The following PARD3 variants were observed in gnomAD, a reference collection of about 807,000 sequenced individuals.
PARD3 encodes par-3 family cell polarity regulator, also known as partitioning defective 3 homolog.
A neutral mutation model predicts 155.4 loss-of-function variants in PARD3; 75 were observed. That is an observed-to-expected ratio of 0.48 (90% confidence interval 0.40 to 0.58). PARD3 has a LOEUF of 0.58. Ranked by LOEUF, PARD3 falls within the 20% of genes least tolerant of loss-of-function variation. The probability of loss-of-function intolerance (pLI) is 0.00; values close to 1 mark genes in which losing one functional copy is unlikely to be tolerated. For missense variants in PARD3, 1,642 were observed against 1,721.7 expected, an observed-to-expected ratio of 0.95 and a Z score of 0.82; for synonymous variants, 576 against 610.5, an observed-to-expected ratio of 0.94 and a Z score of 0.83.
chr10:34,751,632 C>G (rs1437433523), intron 1 of PARD3, among the ~76,000 whole-genome samples: 1 of 152,102 alleles, frequency 6.6e-6, no homozygotes. Flanking sequence ...GAGATGGGGT[C>G]TTGCTCTATG....
At chr10:34,450,530 C>G in intron 4 of PARD3, 82 bp from the exon 5 acceptor site, 1 of 1,276,186 alleles carries the variant, frequency 7.8e-7, no homozygotes, top group Non-Finnish European at 1.1e-6. Flanking sequence ...TCAAAAGTAG[C>G]AGAAAAATGA....
chr10:34,471,787 G>A (rs1031702051), intron 3 of PARD3, among the ~76,000 whole-genome samples: 6 of 152,168 alleles, frequency 3.9e-5, no homozygotes, highest in African/African-American at 1.4e-4. Flanking sequence ...TTGAACTCCT[G>A]ACCTCAGGTT....
At chr10:34,758,249 TC>T (rs1836993611) in intron 1 of PARD3, among the ~76,000 whole-genome samples, 1 of 152,174 alleles carries the variant, frequency 6.6e-6, no homozygotes, top group Admixed American at 6.5e-5. Flanking sequence ...TTTTGGAGTA[TC>T]CAACAATTTC....
chr10:34,283,744 T>C (rs943252419), intron 21 of PARD3, among the ~76,000 whole-genome samples: 2 of 152,062 alleles, frequency 1.3e-5, no homozygotes, highest in African/African-American at 2.4e-5. Flanking sequence ...TTCGGAGTTT[T>C]ATTTTCAGAA....
Position 34,667,830 on chromosome 10 carries a change from T to C in PARD3, c.222+28488A>G, listed in dbSNP as rs138990770. On this transcript the variant is annotated intron_variant, in intron 2 of 24. Coordinates refer to ENST00000374788, the MANE Select transcript of PARD3 (RefSeq NM_001184785.2). ...AGAAACAAATAATATTGTGATGACA[T>C]TATTAAGGATAACACATCATGCTAA... Among the ~76,000 whole-genome samples, 698 of 152,348 alleles carry C rather than the reference T, an allele frequency of 4.6e-3. 4 individuals carry two copies. The highest frequency in any genetic ancestry group is 0.016 in the African/African-American group (668 of 41,586).
intron 1 of PARD3, among the ~76,000 whole-genome samples, chr10:34,705,490 G>GA (rs10635063): frequency 0.4 from 55,357 of 140,096 alleles, 11,055 homozygotes; most frequent in East Asian, 0.51. Flanking sequence ...CCTGTCTCAG[G>GA]AAAAAAAAAA....
intron 2 of PARD3, among the ~76,000 whole-genome samples, chr10:34,632,709 G>C (rs2092319230): frequency 6.6e-6 from 1 of 152,200 alleles, no homozygotes; most frequent in Non-Finnish European, 1.5e-5. Context: ...TTATTATACT[G>C]ATTATACATA....
At chr10:34,620,012 T>C (rs1282370766) in intron 2 of PARD3, among the ~76,000 whole-genome samples, 3 of 152,120 alleles carry the variant, frequency 2.0e-5, no homozygotes, top group African/African-American at 7.2e-5. Flanking sequence ...ACCTGGGATA[T>C]AAAGAACACA....
At chr10:34,689,149 C>T (rs1437385307) in intron 2 of PARD3, among the ~76,000 whole-genome samples, 1 of 151,676 alleles carries the variant, frequency 6.6e-6, no homozygotes, top group Non-Finnish European at 1.5e-5. Context: ...AATGCTTGTT[C>T]TTTTTTCCTT....
At chr10:34,792,872 CAT>C (rs1252626645) in intron 1 of PARD3, among the ~76,000 whole-genome samples, 3 of 152,272 alleles carry the variant, frequency 2.0e-5, no homozygotes, top group Non-Finnish European at 4.4e-5. Flanking sequence ...ACTAATAAAA[CAT>C]GTAATAACAC....
At chr10:34,778,668 C>G (rs1483082676) in intron 1 of PARD3, among the ~76,000 whole-genome samples, 2 of 152,150 alleles carry the variant, frequency 1.3e-5, no homozygotes, top group African/African-American at 4.8e-5. Flanking sequence ...GAAGGGACCT[C>G]TTAGGTTCCT....
intron 22 of PARD3, among the ~76,000 whole-genome samples, chr10:34,150,020 T>TGGTCTTAACTCATAGAG (rs1948703017): frequency 6.6e-6 from 1 of 152,210 alleles, no homozygotes; most frequent in South Asian, 2.1e-4. Flanking sequence ...GGAAATAAGG[T>TGGTCTTAACTCATAGAG]GGTCTTAACT....
chr10:34,542,002 G>A (rs774918668), intron 2 of PARD3, among the ~76,000 whole-genome samples: 21 of 152,042 alleles, frequency 1.4e-4, no homozygotes, highest in East Asian at 1.9e-4. Flanking sequence ...TCAGCCTCCC[G>A]AGTAGCTGAG....
At chr10:34,447,998 T>G (rs1330191253) in intron 5 of PARD3, among the ~76,000 whole-genome samples, 1 of 152,060 alleles carries the variant, frequency 6.6e-6, no homozygotes, top group African/African-American at 2.4e-5. Context: ...ATATCCATGA[T>G]AAATAAAATC....
chr10:34,259,391 G>A (rs557292588), intron 22 of PARD3, among the ~76,000 whole-genome samples: 76 of 152,240 alleles, frequency 5.0e-4, no homozygotes, highest in Non-Finnish European at 8.1e-4. Context: ...CTGCTTCCTC[G>A]CTTTTTTTCC....
intron 2 of PARD3, among the ~76,000 whole-genome samples, chr10:34,674,062 A>C (rs764783079): frequency 4.6e-5 from 7 of 151,988 alleles, no homozygotes; most frequent in Non-Finnish European, 1.0e-4. Flanking sequence ...TAGTTTTCTA[A>C]CACAGCACTT....
chr10:34,753,070 A>G (rs2133963432), intron 1 of PARD3, among the ~76,000 whole-genome samples: 1 of 152,344 alleles, frequency 6.6e-6, no homozygotes, highest in African/African-American at 2.4e-5. Context: ...CAGTCATCTC[A>G]GCCTGTTGTT....
intron 5 of PARD3, among the ~76,000 whole-genome samples, chr10:34,418,158 T>C (rs1030441948): frequency 4.2e-4 from 64 of 152,144 alleles, no homozygotes; most frequent in Non-Finnish European, 1.3e-4. Flanking sequence ...TGGATGATTA[T>C]ATTATATATT....
intron 22 of PARD3, among the ~76,000 whole-genome samples, chr10:34,178,195 G>A (rs1314183394): frequency 2.0e-5 from 3 of 152,134 alleles, no homozygotes; most frequent in Non-Finnish European, 4.4e-5. Flanking sequence ...AATAAGCTAA[G>A]CCTTCTCTAA....
Sources: allele counts gnomAD v4.1 joint callset (sites outside exome capture counted in the v4.1 genomes callset), GRCh38; gene constraint gnomAD v4.1.1; transcripts MANE v1.5; gene names NCBI Gene and HGNC (gene_info 2026-07-23, HGNC 2026-07-21).